Variants in NOXA1 observed in about 807,000 individuals in gnomAD.
NOXA1 encodes NCF2-like protein.
Under a neutral mutation model 64.8 loss-of-function variants are expected in NOXA1, and 56 were observed. The observed-to-expected ratio is 0.86, with a 90% confidence interval of 0.70 to 1.08. The LOEUF (loss-of-function observed/expected upper bound fraction) is 1.08. Ranked by LOEUF, NOXA1 falls within the 50% of genes least tolerant of loss-of-function variation. NOXA1 has a pLI of 0.00. For synonymous variants in NOXA1, 295 were observed against 294.8 expected (o/e 1.00, Z -0.01); for missense variants, 668 against 658.5 (o/e 1.01, Z -0.16).
At chr9:137,427,489 C>T (rs1325405885) in intron 2 of NOXA1, among the ~76,000 whole-genome samples, 1 of 152,280 alleles carries the variant, frequency 6.6e-6, no homozygotes, top group Non-Finnish European at 1.5e-5. Context: ...AAAAAGCCAT[C>T]TCTTCCTTTA....
chr9:137,428,915 C>G lies in NOXA1; in HGVS notation c.403C>G (p.Leu135Val), dbSNP rs774634515. 2 of 1,593,560 alleles carry G rather than the reference C, an allele frequency of 1.3e-6. No individual in the cohort carries two copies. Among genetic ancestry groups the G allele is most frequent in the African/African-American group, 1.3e-5 (1 of 74,472 alleles). Residue 135 changes from leucine to valine, a missense_variant, in exon 4 of 14, where the codon CTG becomes GTG. Leu to Val is a conservative substitution (Grantham distance 32). Coordinates refer to ENST00000683555, the MANE Select transcript of NOXA1 (RefSeq NM_001256067.2). ...CAATGTGGCGTCGGCACAGTGCCAG[C>G]TGGGGCTCTGGACAGAGGCGGCCAG... ...LHNVASAQCQ[L>V]GLWTEAASSL...
chr9:137,434,134 G>T, intron 13 of NOXA1, 55 bp downstream of exon 13: 1 of 1,581,576 alleles, frequency 6.3e-7, no homozygotes, highest in Non-Finnish European at 8.6e-7. Flanking sequence ...GGTGTGGGGG[G>T]CTTAGAGCTC....
chr9:137,424,532 C>T (rs866653728), intron 1 of NOXA1, among the ~76,000 whole-genome samples: 5 of 152,152 alleles, frequency 3.3e-5, no homozygotes, highest in African/African-American at 4.8e-5. Context: ...CTCTGCCTCC[C>T]GGGTTCAAGC....
chr9:137,428,241 C>A, intron 3 of NOXA1, 100 bp downstream of exon 3: 1 of 836,588 alleles, frequency 1.2e-6, no homozygotes, highest in South Asian at 1.6e-5. Flanking sequence ...CGCCTCTGGC[C>A]GAAGCTCTTG....
At chr9:137,427,968 GA>G in intron 2 of NOXA1, 64 bp from the exon 3 acceptor site, 1 of 1,180,452 alleles carries the variant, frequency 8.5e-7, no homozygotes. Flanking sequence ...GGGCTGGTGT[GA>G]AAGCTGCCTA....
rs552159858 is a variant in NOXA1, at chr9:137,431,699, G to C, written c.804+358G>C. Among the ~76,000 whole-genome samples, 42 of 152,238 alleles carry C rather than the reference G, an allele frequency of 2.8e-4. No individual in the cohort carries two copies. Among genetic ancestry groups the C allele is most frequent in the South Asian group, 8.3e-4 (4 of 4,826 alleles). ...CCAGCTGGGGACAGGCGGGAGGCAGGACAGCTCTGGAGGGGCCCCAAGGCT... is the reference window on the plus strand; with the variant it reads ...CCAGCTGGGGACAGGCGGGAGGCAGCACAGCTCTGGAGGGGCCCCAAGGCT... On this transcript the variant is annotated intron_variant, in intron 8 of 13. Transcript: ENST00000683555. This position sits in a 1 kb window ranked among gnomAD's most constrained non-coding sequence, Gnocchi z 5.6.
At position 137,423,608 on chromosome 9, in the gene NOXA1, T is replaced by C; in HGVS notation, c.79T>C (p.Leu27=). The C allele has an allele frequency of 1.4e-6, 2 of 1,473,922 alleles. No homozygotes were observed. The highest frequency in any genetic ancestry group is 1.8e-6 in the Non-Finnish European group (2 of 1,113,344). 91.3% of individuals were successfully genotyped at this position (1,473,922 alleles called of 1,614,324 possible). A position where few individuals can be genotyped will look rare whatever the true frequency, so the allele number is the denominator to read the frequency against. The stretch of plus-strand genomic sequence containing the variant: ...GGATCGTGGGGACTGGGCCCGCGCC[T>C]TGCACCTCTTCTCGGGCGTCCCGGC... ...AVDRGDWARA[L]HLFSGVPAPP... The change falls in exon 1 of 14, where the codon TTG becomes CTG. Residue 27 remains leucine, a synonymous_variant. Coordinates refer to ENST00000683555, the MANE Select transcript of NOXA1 (RefSeq NM_001256067.2).
At chr9:137,432,885 G>A in intron 8 of NOXA1, 144 bp from the exon 9 acceptor site, 1 of 838,190 alleles carries the variant, frequency 1.2e-6, no homozygotes, top group Non-Finnish European at 1.9e-6. Flanking sequence ...CTTGTGGCCA[G>A]TGCCCTGAAT....
At chr9:137,433,682 G>A (rs1839225015) in intron 11 of NOXA1, 68 bp from the exon 12 acceptor site, 9 of 1,505,888 alleles carry the variant, frequency 6.0e-6, no homozygotes, top group African/African-American at 2.8e-5. Context: ...GGAAGAGGGG[G>A]TGGCAGAGGT....
rs370097103 is a variant in NOXA1 at position 137,433,194 on chromosome 9, C to G, written c.851-11C>G. On this transcript the variant is annotated splice_polypyrimidine_tract_variant and intron_variant, in intron 9 of 13. Coordinates refer to ENST00000683555, the MANE Select transcript of NOXA1 (RefSeq NM_001256067.2). ...TGGTAGTGGCTGTGTCAGTCTTGCT[C>G]TGTCCTACAGGGCTGCCGGCAATGG... The G allele has an allele frequency of 7.9e-5, 127 of 1,609,424 alleles. No individual in the cohort carries two copies. The highest frequency in any genetic ancestry group is 5.7e-4 in the African/African-American group (43 of 74,982).
At chr9:137,433,324 TCCCTCAGAATCAAGGCTTGCAAGCCC>T in intron 10 of NOXA1, 61 bp downstream of exon 10, 1 of 1,499,086 alleles carries the variant, frequency 6.7e-7, no homozygotes, top group Non-Finnish European at 8.9e-7. Context: ...CCAAGCCCCA[TCCCTCAGAATCAAGGCTTGCAAGCCC>T]CCCTCACCTG....
chr9:137,431,609 C>T lies in NOXA1; in HGVS notation c.804+268C>T, dbSNP rs367821040. Among the ~76,000 whole-genome samples the T allele has an allele frequency of 1.3e-5, 2 of 152,322 alleles. No individual in the cohort carries two copies. Among genetic ancestry groups the T allele is most frequent in the African/African-American group, 4.8e-5 (2 of 41,568 alleles). The stretch of plus-strand genomic sequence containing the variant: ...CGTAGCCCTGCAGGCCCTCAGCCCC[C>T]AGGACCACCTCAGTTTGGCCATTGC... On this transcript the variant is annotated intron_variant, in intron 8 of 13. Transcript: ENST00000683555. The surrounding 1 kb of genome is among the most constrained non-coding windows in gnomAD (Gnocchi z 5.6).
chr9:137,433,248 C>T lies in NOXA1; in HGVS notation c.894C>T (p.Asp298=). Residue 298 remains aspartate, a synonymous_variant, in exon 10 of 14, where the codon GAC becomes GAT. Transcript: ENST00000683555. The part of the protein sequence containing the change: ...MGGPGPGPCE[D]PAGAGGAGAG... ...GGCCTGGCCCCGGCCCCTGTGAGGA[C>T]CCCGCGGGTGCTGGGGTAAGAGGCT... 2.5e-6 allele frequency: 4 copies of T among 1,594,194 alleles called. No individual in the cohort carries two copies. Among genetic ancestry groups the T allele is most frequent in the Non-Finnish European group, 3.4e-6 (4 of 1,172,022 alleles).
At chr9:137,429,113 G>A in intron 4 of NOXA1, 97 bp downstream of exon 4, 2 of 1,426,160 alleles carry the variant, frequency 1.4e-6, no homozygotes, top group South Asian at 3.0e-5. Flanking sequence ...GAGGGAGATG[G>A]CCCTAGTGCC....
chr9:137,425,035 C>G (rs557847939), intron 1 of NOXA1, among the ~76,000 whole-genome samples: 3 of 152,202 alleles, frequency 2.0e-5, no homozygotes, highest in Non-Finnish European at 4.4e-5. Flanking sequence ...TTGTTAGGAG[C>G]CTTGCGTGAC....
At chr9:137,426,650 G>T (rs1402418245) in intron 2 of NOXA1, among the ~76,000 whole-genome samples, 1 of 152,004 alleles carries the variant, frequency 6.6e-6, no homozygotes, top group Non-Finnish European at 1.5e-5. Flanking sequence ...ACACTCACAG[G>T]CCCCATCCCA....
rs781625314 is a variant in NOXA1 at position 137,433,520 on chromosome 9, T to C, written c.977T>C (p.Leu326Pro). 6.3e-7 allele frequency: 1 copy of C among 1,598,590 alleles called. No homozygotes were observed. The highest frequency in any genetic ancestry group is 1.7e-5 in the Admixed American group (1 of 58,478). The change falls in exon 11 of 14, where the codon CTG becomes CCG. Residue 326 changes from leucine (L) to proline (P), a missense_variant. Leu to Pro is a moderately conservative substitution (Grantham distance 98). Transcript: ENST00000683555. ...VTVQCAFTVA[L>P]RARRGADLSS... is the part of the protein sequence containing the mutation. ...GTGCAGTGCGCCTTCACAGTGGCCC[T>C]GAGGGCACGAAGAGGAGCCGACCTG...
chr9:137,430,109 C>G (rs1375871043), intron 5 of NOXA1, among the ~76,000 whole-genome samples: 84 of 119,776 alleles, frequency 7.0e-4, no homozygotes, highest in African/African-American at 2.4e-3. Flanking sequence ...CCCGGGGGGT[C>G]TCCCTGTGTC....
intron 2 of NOXA1, among the ~76,000 whole-genome samples, chr9:137,427,418 C>T (rs114477419): frequency 0.011 from 1,666 of 152,356 alleles, 21 homozygotes; most frequent in African/African-American, 0.038. Context: ...CCACCACATA[C>T]GCAGTCGCCC....
Sources: allele counts gnomAD v4.1 joint callset (sites outside exome capture counted in the v4.1 genomes callset), GRCh38; gene constraint gnomAD v4.1.1; non-coding constraint Gnocchi (gnomAD v3.1); transcripts MANE v1.5; gene names NCBI Gene and HGNC (gene_info 2026-07-23, HGNC 2026-07-21).